The following WWOX variants were observed in gnomAD, a reference collection of about 807,000 sequenced individuals.
The protein encoded by WWOX is WW domain containing oxidoreductase.
In WWOX, 69 loss-of-function variants were observed where a neutral mutation model predicts 46.2. The observed-to-expected ratio is 1.49, with a 90% CI of 1.23 to 1.82. The LOEUF (loss-of-function observed/expected upper bound fraction) is 1.82, where lower values mean the gene tolerates loss of function less well. Among genes scored for constraint, WWOX ranks in the 40% most tolerant of loss-of-function variants. WWOX has a pLI of 0.00. For missense variants in WWOX, 919 were observed against 542.6 expected (o/e 1.69, Z -6.89); for synonymous variants, 359 against 202.6 (o/e 1.77, Z -6.56).
At chr16:78,521,845 T>C (rs1214873328) in intron 8 of WWOX, among the ~76,000 whole-genome samples, 1 of 151,690 alleles carries the variant, frequency 6.6e-6, no homozygotes, top group Non-Finnish European at 1.5e-5. Flanking sequence ...CTATGAAAAA[T>C]GACTTGTGTG....
intron 5 of WWOX, among the ~76,000 whole-genome samples, chr16:78,245,008 T>G (rs1235077194): frequency 1.3e-5 from 2 of 152,236 alleles, no homozygotes; most frequent in Admixed American, 1.3e-4. Context: ...CAGGCCATTT[T>G]GTTTTATTTT....
chr16:78,211,948 G>T (rs1290120025), intron 5 of WWOX, among the ~76,000 whole-genome samples: 1 of 152,212 alleles, frequency 6.6e-6, no homozygotes, highest in African/African-American at 2.4e-5. Flanking sequence ...GATAATGCAT[G>T]TTAACATCCT....
At chr16:79,080,877 A>G (rs1331906298) in intron 8 of WWOX, among the ~76,000 whole-genome samples, 1 of 152,206 alleles carries the variant, frequency 6.6e-6, no homozygotes, top group African/African-American at 2.4e-5. Context: ...TATATTTGGC[A>G]GGTATCCCAA....
chr16:78,258,707 C>CAAAAAAA (rs11396946), intron 5 of WWOX, among the ~76,000 whole-genome samples: 1 of 69,588 alleles, frequency 1.4e-5, no homozygotes. Flanking sequence ...TTCCTCCCTC[C>CAAAAAAA]AAAAAAAAAA....
intron 8 of WWOX, among the ~76,000 whole-genome samples, chr16:78,673,826 A>G (rs1597427267): frequency 2.0e-5 from 3 of 152,190 alleles, no homozygotes; most frequent in Admixed American, 1.3e-4. Context: ...CAAGATTTCT[A>G]TCGTATCCTC....
chr16:78,880,992 C>CTTTTTTTTTTTTTTTT (rs71140838), intron 8 of WWOX, among the ~76,000 whole-genome samples: 1 of 113,530 alleles, frequency 8.8e-6, no homozygotes, highest in Non-Finnish European at 1.7e-5. Flanking sequence ...AATTTTTTTT[C>CTTTTTTTTTTTTTTTT]TTTTTTTTTT....
At chr16:78,966,512 G>GT (rs1043449469) in intron 8 of WWOX, among the ~76,000 whole-genome samples, 61 of 148,214 alleles carry the variant, frequency 4.1e-4, no homozygotes, top group African/African-American at 9.6e-4. Flanking sequence ...TATGACTGTA[G>GT]TTTTTTTTTT....
chr16:78,119,743 GGT>G (rs1808622362), intron 4 of WWOX, among the ~76,000 whole-genome samples: 1 of 151,888 alleles, frequency 6.6e-6, no homozygotes, highest in African/African-American at 2.4e-5. Flanking sequence ...TGAGATTACT[GGT>G]GTGAGCCACT....
intron 8 of WWOX, among the ~76,000 whole-genome samples, chr16:78,596,046 C>T (rs1351033839): frequency 6.6e-6 from 1 of 152,038 alleles, no homozygotes; most frequent in East Asian, 1.9e-4. Flanking sequence ...GTTTTTTACT[C>T]TTTGTTGTTT....
intron 8 of WWOX, among the ~76,000 whole-genome samples, chr16:78,632,901 C>T (rs950114319): frequency 5.3e-5 from 8 of 151,892 alleles, no homozygotes; most frequent in Non-Finnish European, 7.4e-5. Flanking sequence ...ACCCCTGCTA[C>T]GTGTAATAGA....
intron 4 of WWOX, among the ~76,000 whole-genome samples, chr16:78,159,891 A>G (rs1036830607): frequency 6.6e-6 from 1 of 151,798 alleles, no homozygotes; most frequent in Non-Finnish European, 1.5e-5. Context: ...TTTATGTGGC[A>G]TAATGTTGTC....
At chr16:78,865,492 A>T (rs1241768839) in intron 8 of WWOX, among the ~76,000 whole-genome samples, 4 of 152,176 alleles carry the variant, frequency 2.6e-5, no homozygotes, top group African/African-American at 9.7e-5. Context: ...CCTGAACCTC[A>T]GTTTCCTTTG....
intron 8 of WWOX, among the ~76,000 whole-genome samples, chr16:78,438,572 A>G (rs2083381130): frequency 6.6e-6 from 1 of 152,072 alleles, no homozygotes; most frequent in Non-Finnish European, 1.5e-5. Flanking sequence ...GAGCACTGTC[A>G]CTTGCCTCTT....
intron 8 of WWOX, chr16:78,552,405 G>C (rs1000148050): frequency 2.0e-5 from 3 of 152,198 alleles, no homozygotes; most frequent in African/African-American, 7.2e-5. Context: ...AAAGGGAATA[G>C]CGTGATGCTA....
intron 8 of WWOX, among the ~76,000 whole-genome samples, chr16:78,794,905 A>G (rs2050697919): frequency 1.3e-5 from 2 of 152,218 alleles, no homozygotes. Context: ...TGCCTTTTGT[A>G]TGTTAGCCCT....
chr16:78,797,464 T>C (rs886632849), intron 8 of WWOX, among the ~76,000 whole-genome samples: 10 of 151,722 alleles, frequency 6.6e-5, no homozygotes, highest in Non-Finnish European at 1.5e-5. Context: ...CCCATTCCCA[T>C]TGCTCTAATT....
intron 5 of WWOX, among the ~76,000 whole-genome samples, chr16:78,265,146 G>T (rs1567467019): frequency 6.6e-6 from 1 of 151,548 alleles, no homozygotes; most frequent in African/African-American, 2.4e-5. Flanking sequence ...GATTACAGGT[G>T]CATGGCACCA....
At chr16:79,187,324 G>T (rs1041562886) in intron 8 of WWOX, among the ~76,000 whole-genome samples, 1 of 152,158 alleles carries the variant, frequency 6.6e-6, no homozygotes, top group Non-Finnish European at 1.5e-5. Context: ...CCCAAACATG[G>T]ATTTAACAAG....
chr16:78,875,187 C>G (rs2044210742), intron 8 of WWOX, among the ~76,000 whole-genome samples: 1 of 152,152 alleles, frequency 6.6e-6, no homozygotes, highest in Non-Finnish European at 1.5e-5. Flanking sequence ...GATTAAGCCG[C>G]TGAAACCTTT....
Sources: allele counts gnomAD v4.1 joint callset (sites outside exome capture counted in the v4.1 genomes callset), GRCh38; gene constraint gnomAD v4.1.1; transcripts MANE v1.5; gene names NCBI Gene and HGNC (gene_info 2026-07-23, HGNC 2026-07-21).